The following DOCK4 variants were observed in gnomAD, a reference collection of about 807,000 sequenced individuals.
The protein encoded by DOCK4 is dedicator of cytokinesis 4, also known as dedicator of cytokinesis protein 4.
DOCK4 carries 97 observed loss-of-function variants against 268.1 expected under a neutral mutation model. That is an observed-to-expected ratio of 0.36 (90% confidence interval 0.31 to 0.43). DOCK4 has a LOEUF of 0.43. Among genes scored for constraint, DOCK4 ranks in the 20% least tolerant of loss-of-function variants. DOCK4 has a pLI of 1.00. For missense variants in DOCK4, 2,145 were observed against 2,455.7 expected (o/e 0.87, Z 2.67); for synonymous variants, 954 against 887.2 (o/e 1.08, Z -1.34).
At chr7:111,941,013 T>C (rs569621897) in intron 10 of DOCK4, among the ~76,000 whole-genome samples, 136 of 152,282 alleles carry the variant, frequency 8.9e-4, no homozygotes, top group Middle Eastern at 6.8e-3. Context: ...AATTCTCCTA[T>C]AGCACATCAA....
In DOCK4 at chr7:112,039,721, CA is replaced by C. The variant is rs1007342321; in HGVS notation, c.38-35591del. ...ACATTTAAGAATTAGGAGTTTTTCT[CA>C]AAAAAAAAATTTAATTTCAGCTTTT... On this transcript the variant is annotated intron_variant, in intron 1 of 52. Coordinates refer to ENST00000428084, the MANE Select transcript of DOCK4 (RefSeq NM_001363540.2). 2.2e-3 allele frequency among the ~76,000 whole-genome samples: 321 copies of C among 148,976 alleles called. 2 individuals carry two copies. Among genetic ancestry groups the C allele is most frequent in the Middle Eastern group, 0.01 (3 of 288 alleles).
chr7:112,204,909 A>AC (rs66517160), intron 1 of DOCK4, among the ~76,000 whole-genome samples: 1 of 151,438 alleles, frequency 6.6e-6, no homozygotes, highest in Non-Finnish European at 1.5e-5. Context: ...ACACACACAC[A>AC]AAGTACACCA....
In DOCK4 at chr7:112,015,626, T is replaced by G. The variant is rs1054057672; in HGVS notation, c.38-11495A>C. ...TAACACAAATAGTATAAAGATATATTCTTAAATAAGCTTCAGCAAATGTGA... is the reference window on the plus strand; with the variant it reads ...TAACACAAATAGTATAAAGATATATGCTTAAATAAGCTTCAGCAAATGTGA... On this transcript the variant is annotated intron_variant, in intron 1 of 52. Coordinates refer to ENST00000428084, the MANE Select transcript of DOCK4 (RefSeq NM_001363540.2). Among the ~76,000 whole-genome samples the G allele has an allele frequency of 2.0e-5, 3 of 152,290 alleles. No homozygotes were observed. In the East Asian group the frequency reaches 5.8e-4, roughly 29 times the overall value.
At chr7:111,981,804 CAATGAGACCCTA>C (rs1307434882) in intron 7 of DOCK4, among the ~76,000 whole-genome samples, 1 of 152,134 alleles carries the variant, frequency 6.6e-6, no homozygotes, top group Non-Finnish European at 1.5e-5. Context: ...CATTGCTAAT[CAATGAGACCCTA>C]GATGAGACCC....
intron 1 of DOCK4, among the ~76,000 whole-genome samples, chr7:112,153,367 A>T (rs752605859): frequency 2.6e-4 from 40 of 152,188 alleles, no homozygotes; most frequent in Non-Finnish European, 4.9e-4. Context: ...CACAACTTTG[A>T]CATATAAGTA....
At chr7:111,770,908 A>G (rs1798087347) in intron 36 of DOCK4, among the ~76,000 whole-genome samples, 1 of 152,220 alleles carries the variant, frequency 6.6e-6, no homozygotes, top group Non-Finnish European at 1.5e-5. Context: ...GATAGTTGCA[A>G]TAAGAAGGGC....
intron 22 of DOCK4, 52 bp downstream of exon 22, chr7:111,867,932 A>G: frequency 7.1e-7 from 1 of 1,411,098 alleles, no homozygotes; most frequent in Non-Finnish European, 9.3e-7. Context: ...GTAAAAATAA[A>G]TAAACTGCAC....
intron 27 of DOCK4, among the ~76,000 whole-genome samples, chr7:111,816,945 A>T (rs1801604280): frequency 6.6e-6 from 1 of 152,236 alleles, no homozygotes; most frequent in Admixed American, 6.5e-5. Flanking sequence ...TCAATGGGGC[A>T]CGCAGTGTGG....
intron 37 of DOCK4, among the ~76,000 whole-genome samples, chr7:111,767,682 C>T (rs189971601): frequency 1.3e-5 from 2 of 152,202 alleles, no homozygotes; most frequent in African/African-American, 4.8e-5. Flanking sequence ...GGTGTCATTC[C>T]AGAATCATCT....
rs924362924 is a variant in DOCK4, at chr7:111,915,633, G to A, written c.1192+146C>T. On this transcript the variant is annotated intron_variant, in intron 13 of 52. Coordinates refer to ENST00000428084, the MANE Select transcript of DOCK4 (RefSeq NM_001363540.2). Reference sequence around the variant, plus strand: ...AAAAGGATATTTTAGAAAAAAATGTGCTTACTTACAGTCACATACCTCATT... The same window carrying A: ...AAAAGGATATTTTAGAAAAAAATGTACTTACTTACAGTCACATACCTCATT... The A allele has an allele frequency of 4.2e-5, 27 of 642,252 alleles. No homozygotes were observed. The African/African-American group carries it at 4.2e-4, about 10-fold the overall frequency. 39.8% of individuals were successfully genotyped at this position (642,252 alleles called of 1,614,324 possible).
intron 7 of DOCK4, among the ~76,000 whole-genome samples, chr7:111,980,425 T>G (rs569166611): frequency 6.6e-5 from 10 of 152,328 alleles, no homozygotes; most frequent in Admixed American, 5.2e-4. Flanking sequence ...CACCTATCAG[T>G]TACTCTAACT....
At chr7:112,008,397 C>T (rs1801025400) in intron 1 of DOCK4, among the ~76,000 whole-genome samples, 1 of 152,176 alleles carries the variant, frequency 6.6e-6, no homozygotes, top group South Asian at 2.1e-4. Context: ...ATGTCCTAAC[C>T]AACTGCCTGT....
Position 111,863,412 on chromosome 7 carries a change from G to A in DOCK4, c.2433C>T (p.Cys811=), listed in dbSNP as rs1379855424. 4 of 1,614,046 alleles carry A rather than the reference G, an allele frequency of 2.5e-6. No homozygotes were observed. The East Asian group carries it at 8.9e-5, about 36-fold the overall frequency. The change falls in exon 23 of 53, where the codon TGC becomes TGT. Residue 811 remains cysteine (C), a synonymous_variant. Transcript: ENST00000428084. ...DDSLQAIKLQ[C]IGKTVESQLY... is the part of the protein sequence containing the mutation. ...GCTGGCTTTCCACGGTTTTGCCAATGCACTGCAGTTTGATGGCCTGCAGGG... is the reference window on the plus strand; with the variant it reads ...GCTGGCTTTCCACGGTTTTGCCAATACACTGCAGTTTGATGGCCTGCAGGG...
At chr7:112,179,910 C>T (rs574665673) in intron 1 of DOCK4, among the ~76,000 whole-genome samples, 1 of 152,250 alleles carries the variant, frequency 6.6e-6, no homozygotes, top group East Asian at 1.9e-4. Flanking sequence ...ATTATGCCAA[C>T]TTCTGACATG....
intron 1 of DOCK4, among the ~76,000 whole-genome samples, chr7:112,066,591 C>T (rs1371808394): frequency 2.4e-5 from 3 of 127,240 alleles, no homozygotes; most frequent in East Asian, 5.2e-4. Flanking sequence ...TATATATACA[C>T]ATATACATAT....
chr7:111,939,002 G>A (rs996256939), intron 11 of DOCK4, among the ~76,000 whole-genome samples: 2 of 150,630 alleles, frequency 1.3e-5, no homozygotes, highest in African/African-American at 2.4e-5. Context: ...TTGGGGGGGT[G>A]GGGGATTGGA....
intron 23 of DOCK4, among the ~76,000 whole-genome samples, chr7:111,857,539 T>G (rs1422541628): frequency 2.0e-5 from 3 of 152,216 alleles, no homozygotes; most frequent in Non-Finnish European, 2.9e-5. Context: ...ATTTGCCTGA[T>G]AAACTGTTCA....
At chr7:112,161,797 A>G (rs1469959355) in intron 1 of DOCK4, among the ~76,000 whole-genome samples, 1 of 152,198 alleles carries the variant, frequency 6.6e-6, no homozygotes, top group African/African-American at 2.4e-5. Flanking sequence ...TTAATGTGGC[A>G]TAACAAAACT....
chr7:111,787,328 T>A (rs1347296986), intron 32 of DOCK4, among the ~76,000 whole-genome samples: 1 of 152,172 alleles, frequency 6.6e-6, no homozygotes, highest in African/African-American at 2.4e-5. Flanking sequence ...TTTATTATAC[T>A]GCATGAGATT....
Sources: allele counts gnomAD v4.1 joint callset (sites outside exome capture counted in the v4.1 genomes callset), GRCh38; gene constraint gnomAD v4.1.1; transcripts MANE v1.5; gene names NCBI Gene and HGNC (gene_info 2026-07-23, HGNC 2026-07-21).